The following AUTS2 variants were observed in gnomAD, a reference collection of about 807,000 sequenced individuals.
AUTS2 encodes autism susceptibility gene 2 protein.
AUTS2 carries 17 observed loss-of-function variants against 112.4 expected under a neutral mutation model. The observed-to-expected ratio is 0.15, with a 90% CI of 0.10 to 0.23. The LOEUF is 0.23. Ranked by LOEUF, AUTS2 falls within the 10% of genes least tolerant of loss-of-function variation. The pLI is 1.00. For synonymous variants in AUTS2, 751 were observed against 702.7 expected, an observed-to-expected ratio of 1.07 and a Z score of -1.09; for missense variants, 1,510 against 1,701.6, an observed-to-expected ratio of 0.89 and a Z score of 1.98.
chr7:70,236,879 G>A (rs1008259507), intron 4 of AUTS2, among the ~76,000 whole-genome samples: 12 of 152,188 alleles, frequency 7.9e-5, no homozygotes, highest in Non-Finnish European at 1.2e-4. Flanking sequence ...GCATGCATGG[G>A]AGAGGGGGCC....
At chr7:69,791,033 C>T (rs770488439) in intron 1 of AUTS2, among the ~76,000 whole-genome samples, 1 of 152,220 alleles carries the variant, frequency 6.6e-6, no homozygotes, top group Admixed American at 6.5e-5. Context: ...TTTTCTCATG[C>T]TGTTGAGCAG....
chr7:69,749,968 C>T (rs981856523), intron 1 of AUTS2, among the ~76,000 whole-genome samples: 2 of 152,146 alleles, frequency 1.3e-5, no homozygotes, highest in African/African-American at 2.4e-5. Flanking sequence ...GCTGGCTGAA[C>T]AGACAACTTG....
At chr7:70,693,075 C>G (rs1000263894) in intron 5 of AUTS2, among the ~76,000 whole-genome samples, 2 of 152,198 alleles carry the variant, frequency 1.3e-5, no homozygotes, top group African/African-American at 4.8e-5. Context: ...TTTTCTTGTA[C>G]TAGGAAAATT....
intron 2 of AUTS2, among the ~76,000 whole-genome samples, chr7:70,112,252 T>C (rs1805124650): frequency 6.6e-6 from 1 of 151,904 alleles, no homozygotes; most frequent in Non-Finnish European, 1.5e-5. Flanking sequence ...AGACAGACTT[T>C]AAAAAAATTC....
chr7:70,560,805 A>G (rs561321790), intron 5 of AUTS2, among the ~76,000 whole-genome samples: 1 of 152,256 alleles, frequency 6.6e-6, no homozygotes, highest in East Asian at 1.9e-4. Flanking sequence ...CTGATTGAGG[A>G]CTGAAACAAC....
intron 2 of AUTS2, among the ~76,000 whole-genome samples, chr7:69,929,151 T>A (rs1205473335): frequency 6.6e-6 from 1 of 152,238 alleles, no homozygotes; most frequent in Non-Finnish European, 1.5e-5. Flanking sequence ...ATAATTTTAG[T>A]TGGACAGTTA....
intron 1 of AUTS2, among the ~76,000 whole-genome samples, chr7:69,704,863 TTTTC>T (rs1453379015): frequency 3.3e-5 from 5 of 152,072 alleles, no homozygotes; most frequent in Admixed American, 1.3e-4. Context: ...TCCTTGTATG[TTTTC>T]TTTCTTTTTT....
chr7:70,771,594 A>T lies in AUTS2; in HGVS notation c.1780A>T (p.Ile594Phe). 1 of 1,613,524 alleles carries T rather than the reference A, an allele frequency of 6.2e-7. No homozygotes were observed. Among genetic ancestry groups the T allele is most frequent in the African/African-American group, 1.3e-5 (1 of 74,956 alleles). The change falls in exon 11 of 19, where the codon ATC (isoleucine) becomes TTC (phenylalanine). Residue 594 changes from isoleucine (I) to phenylalanine (F), a missense_variant. Physicochemically the swap from Ile to Phe is conservative, Grantham distance 21 (BLOSUM62 0). Transcript: ENST00000342771. ...PPAVSGIPPM[I>F]PPTGPFGSLQ... ...TGCAGTGTCGGGCATCCCCCCTATGATCCCACCCACTGGCCCTTTTGGTTC... is the reference window on the plus strand; with the variant it reads ...TGCAGTGTCGGGCATCCCCCCTATGTTCCCACCCACTGGCCCTTTTGGTTC...
intron 5 of AUTS2, chr7:70,436,521 A>T (rs1486607681): frequency 2.0e-5 from 3 of 152,256 alleles, no homozygotes; most frequent in African/African-American, 7.2e-5. Context: ...AGCCGTTCCA[A>T]TCCCCAACCA....
intron 3 of AUTS2, among the ~76,000 whole-genome samples, chr7:70,124,612 G>C (rs1294602298): frequency 6.6e-6 from 1 of 151,812 alleles, no homozygotes; most frequent in African/African-American, 2.4e-5. Flanking sequence ...CACCAGGTTG[G>C]AATGCAGTGG....
At chr7:70,506,035 G>C (rs2116699198) in intron 5 of AUTS2, among the ~76,000 whole-genome samples, 1 of 152,320 alleles carries the variant, frequency 6.6e-6, no homozygotes, top group Admixed American at 6.5e-5. Context: ...TTTGTACCTT[G>C]TTTGAGATCA....
intron 2 of AUTS2, among the ~76,000 whole-genome samples, chr7:70,065,526 C>T (rs942908630): frequency 6.6e-6 from 1 of 151,770 alleles, no homozygotes; most frequent in Non-Finnish European, 1.5e-5. Context: ...AAACCCCATC[C>T]CTACTGAAAA....
intron 5 of AUTS2, among the ~76,000 whole-genome samples, chr7:70,638,185 T>C (rs1293298665): frequency 6.6e-6 from 1 of 152,070 alleles, no homozygotes; most frequent in Non-Finnish European, 1.5e-5. Context: ...CAGTGAGACC[T>C]GCTGATCACC....
intron 3 of AUTS2, among the ~76,000 whole-genome samples, chr7:70,131,609 C>CT (rs543140923): frequency 4.9e-4 from 74 of 151,868 alleles, no homozygotes; most frequent in African/African-American, 6.8e-4. Context: ...CTAAACATTC[C>CT]TTTTTTTTGT....
chr7:69,930,267 T>C (rs1242102686), intron 2 of AUTS2, among the ~76,000 whole-genome samples: 1 of 152,186 alleles, frequency 6.6e-6, no homozygotes, highest in African/African-American at 2.4e-5. Flanking sequence ...CAGTCTGTAC[T>C]GTGTTGCAGG....
chr7:70,705,988 T>A (rs963046464), intron 6 of AUTS2, among the ~76,000 whole-genome samples: 1 of 151,828 alleles, frequency 6.6e-6, no homozygotes, highest in Non-Finnish European at 1.5e-5. Flanking sequence ...TGGCTTGGGG[T>A]GAAGGGCCAC....
At chr7:69,883,143 A>G (rs777525065) in intron 1 of AUTS2, among the ~76,000 whole-genome samples, 5 of 152,186 alleles carry the variant, frequency 3.3e-5, no homozygotes, top group African/African-American at 4.8e-5. Context: ...CGCCACCAAT[A>G]AAGAGTAGGG....
intron 1 of AUTS2, among the ~76,000 whole-genome samples, chr7:69,687,687 C>A (rs779622529): frequency 6.6e-6 from 1 of 151,964 alleles, no homozygotes; most frequent in Non-Finnish European, 1.5e-5. Context: ...GAATAATGAC[C>A]TTTCTCTCTC....
chr7:70,303,773 C>T (rs115353351), intron 4 of AUTS2, among the ~76,000 whole-genome samples: 2,874 of 152,202 alleles, frequency 0.019, 110 homozygotes, highest in African/African-American at 0.066. Context: ...TTTACTGGTG[C>T]CCTGACACTC....
Sources: gnomAD v4.1 joint callset for allele counts (sites outside exome capture counted in the v4.1 genomes callset) on GRCh38, gnomAD v4.1.1 for gene constraint, MANE v1.5 for transcripts, NCBI Gene and HGNC (gene_info 2026-07-23, HGNC 2026-07-21) for gene names.